The following EFCAB6 variants were observed in gnomAD, a reference collection of about 807,000 sequenced individuals.
The protein encoded by EFCAB6 is EF-hand calcium binding domain 6.
A neutral mutation model predicts 169.8 loss-of-function variants in EFCAB6; 156 were observed. The observed-to-expected ratio is 0.92, with a 90% CI of 0.81 to 1.05. The LOEUF (loss-of-function observed/expected upper bound fraction) is 1.05. Among genes scored for constraint, EFCAB6 ranks in the 50% least tolerant of loss-of-function variants. EFCAB6 has a pLI of 0.00. For missense variants in EFCAB6, 1,800 were observed against 1,829.1 expected (o/e 0.98, Z 0.29); for synonymous variants, 698 against 676.4 (o/e 1.03, Z -0.50).
intron 8 of EFCAB6, among the ~76,000 whole-genome samples, chr22:43,721,731 A>G (rs927405070): frequency 2.6e-5 from 4 of 152,202 alleles, no homozygotes; most frequent in South Asian, 4.1e-4. Context: ...TTCACTATAT[A>G]TAAAAATTAA....
chr22:43,711,131 C>T (rs1603262415), intron 10 of EFCAB6, among the ~76,000 whole-genome samples: 1 of 127,964 alleles, frequency 7.8e-6, no homozygotes, highest in Non-Finnish European at 1.8e-5. Flanking sequence ...ATTGATAACT[C>T]TATTAGATGT....
intron 9 of EFCAB6, among the ~76,000 whole-genome samples, chr22:43,715,231 A>G (rs1883362): frequency 0.88 from 133,819 of 152,218 alleles, 58,866 homozygotes; most frequent in East Asian, 0.99. Context: ...TAGTGTCTCC[A>G]CTTTCCCTTG....
At chr22:43,600,523 G>C (rs1325803307) in intron 22 of EFCAB6, among the ~76,000 whole-genome samples, 2 of 152,180 alleles carry the variant, frequency 1.3e-5, no homozygotes, top group Non-Finnish European at 2.9e-5. Flanking sequence ...TCAGCATTCA[G>C]GATGGTCACG....
rs774071436 is a variant in EFCAB6 at position 43,716,851 on chromosome 22, T to G, written c.879A>C (p.Leu293=). 1 of 1,603,542 alleles carries G rather than the reference T, an allele frequency of 6.2e-7. No individual in the cohort carries two copies. Among genetic ancestry groups the G allele is most frequent in the East Asian group, 2.3e-5 (1 of 44,440 alleles). ...SLDEIERNFC[L]QLSKSYEKVE... ...GTGGCTTAGGAAAACATCTTACTTG[T>G]AGACAAAAGTTCCTCTCAATTTCAT... Residue 293 remains leucine (L), a synonymous_variant, in exon 9 of 32, where the codon CTA becomes CTC. Transcript: ENST00000262726.
At chr22:43,579,350 G>C (rs2050517305) in intron 25 of EFCAB6, among the ~76,000 whole-genome samples, 1 of 150,286 alleles carries the variant, frequency 6.7e-6, no homozygotes, top group East Asian at 2.0e-4. Flanking sequence ...CTACACGCAG[G>C]TATCATTCCC....
chr22:43,577,950 C>T (rs1347973381), intron 25 of EFCAB6, among the ~76,000 whole-genome samples: 1 of 151,880 alleles, frequency 6.6e-6, no homozygotes, highest in Non-Finnish European at 1.5e-5. Flanking sequence ...CTCCAAGAGT[C>T]TGATACCCTA....
At chr22:43,635,866 G>T (rs866652701) in intron 17 of EFCAB6, among the ~76,000 whole-genome samples, 15 of 152,282 alleles carry the variant, frequency 9.9e-5, no homozygotes, top group African/African-American at 3.6e-4. Context: ...TACTGAAGTG[G>T]AATCGTCTCG....
intron 4 of EFCAB6, among the ~76,000 whole-genome samples, chr22:43,769,552 T>A (rs886171461): frequency 3.9e-4 from 59 of 152,196 alleles, no homozygotes; most frequent in African/African-American, 1.2e-3. Context: ...GTGGAAAAAA[T>A]CAAATGCACT....
chr22:43,809,677 G>A (rs764300833), intron 1 of EFCAB6, among the ~76,000 whole-genome samples: 3 of 152,110 alleles, frequency 2.0e-5, no homozygotes, highest in Non-Finnish European at 2.9e-5. Flanking sequence ...GTGTGACCTC[G>A]GCTCACTGCA....
chr22:43,565,016 G>C (rs1470744762), intron 26 of EFCAB6, among the ~76,000 whole-genome samples: 2 of 152,160 alleles, frequency 1.3e-5, no homozygotes, highest in African/African-American at 4.8e-5. Flanking sequence ...CCTTTGCCAG[G>C]GGGGGCTTTG....
chr22:43,805,412 A>T (rs2062882837), intron 2 of EFCAB6, among the ~76,000 whole-genome samples: 1 of 152,248 alleles, frequency 6.6e-6, no homozygotes, highest in South Asian at 2.1e-4. Flanking sequence ...GGAGGTCCTT[A>T]TGTGACATTC....
intron 6 of EFCAB6, among the ~76,000 whole-genome samples, chr22:43,753,155 G>A (rs2060831698): frequency 2.0e-5 from 3 of 152,170 alleles, no homozygotes; most frequent in Admixed American, 2.0e-4. Context: ...CAGCCCAGGT[G>A]TACCTGATTC....
At chr22:43,701,102 T>C (rs1403865437) in intron 10 of EFCAB6, among the ~76,000 whole-genome samples, 1 of 152,236 alleles carries the variant, frequency 6.6e-6, no homozygotes, top group African/African-American at 2.4e-5. Context: ...TGTGATCCTC[T>C]GAGTGCAAAG....
At chr22:43,664,620 A>G (rs1049031201) in intron 17 of EFCAB6, among the ~76,000 whole-genome samples, 23 of 152,328 alleles carry the variant, frequency 1.5e-4, no homozygotes, top group African/African-American at 5.5e-4. Flanking sequence ...AGGCAAGGGG[A>G]GAGCCATGCA....
rs1305433489 is a variant in EFCAB6 at position 43,672,066 on chromosome 22, T to C, written c.1547A>G (p.Tyr516Cys). The C allele has an allele frequency of 1.2e-6, 2 of 1,614,110 alleles. No homozygotes were observed. Among genetic ancestry groups the C allele is most frequent in the Non-Finnish European group, 1.7e-6 (2 of 1,180,042 alleles). The stretch of plus-strand genomic sequence containing the variant: ...AATGCGCCCTGTGTCTCCAAGGTCA[T>C]ATGAGCGTAGCATGTTATAAAAAGC... ...LQAFYNMLRS[Y>C]DLGDTGRIGR... is the part of the protein sequence containing the mutation. The change falls in exon 15 of 32, where the codon TAT becomes TGT. Residue 516 changes from tyrosine (Y) to cysteine (C), a missense_variant. By Grantham distance (194) the Tyr-to-Cys change is radical (BLOSUM62 -2). Transcript: ENST00000262726.
intron 8 of EFCAB6, among the ~76,000 whole-genome samples, chr22:43,730,426 C>T (rs5763978): frequency 0.27 from 40,172 of 149,742 alleles, 6,472 homozygotes; most frequent in East Asian, 0.63. Context: ...GCAAAGTCTA[C>T]GACATATTGA....
At chr22:43,556,046 GAGC>G (rs1203670774) in intron 26 of EFCAB6, among the ~76,000 whole-genome samples, 2 of 152,232 alleles carry the variant, frequency 1.3e-5, no homozygotes, top group African/African-American at 4.8e-5. Flanking sequence ...GTTACTCAGT[GAGC>G]AGCAGCAGAT....
chr22:43,534,444 C>T (rs966328604), intron 30 of EFCAB6, among the ~76,000 whole-genome samples: 7 of 152,144 alleles, frequency 4.6e-5, no homozygotes, highest in African/African-American at 1.7e-4. Flanking sequence ...TGAAAATGGA[C>T]TAATACATCC....
At chr22:43,789,490 G>A (rs2062197112) in intron 2 of EFCAB6, among the ~76,000 whole-genome samples, 2 of 152,148 alleles carry the variant, frequency 1.3e-5, no homozygotes, top group South Asian at 4.1e-4. Context: ...GGGGAAGCAG[G>A]GCAAAAGCAA....
Sources: allele counts gnomAD v4.1 joint callset (sites outside exome capture counted in the v4.1 genomes callset), GRCh38; gene constraint gnomAD v4.1.1; transcripts MANE v1.5; gene names NCBI Gene and HGNC (gene_info 2026-07-23, HGNC 2026-07-21).